ABCA4: variants seen among roughly 807,000 people sequenced by gnomAD.
ABCA4 encodes ATP binding cassette subfamily A member 4, also known as retinal-specific phospholipid-transporting ATPase ABCA4.
A neutral mutation model predicts 263.7 loss-of-function variants in ABCA4; 196 were observed. That is an observed-to-expected ratio of 0.74 (90% confidence interval 0.66 to 0.84). The LOEUF (loss-of-function observed/expected upper bound fraction) is 0.84. Among genes scored for constraint, ABCA4 ranks in the 40% least tolerant of loss-of-function variants. The pLI is 0.00. For synonymous variants in ABCA4, 1,133 were observed against 1,094.2 expected, an observed-to-expected ratio of 1.04 and a Z score of -0.70; for missense variants, 2,792 against 2,855.1, an observed-to-expected ratio of 0.98 and a Z score of 0.50.
At chr1:94,009,726 C>T (rs1347164437) in intron 40 of ABCA4, among the ~76,000 whole-genome samples, 1 of 152,202 alleles carries the variant, frequency 6.6e-6, no homozygotes, top group Admixed American at 6.5e-5. Flanking sequence ...TCTTTAGGCC[C>T]TAAAGCAGGC....
chr1:94,086,215 T>C (rs1661820903), intron 6 of ABCA4, among the ~76,000 whole-genome samples: 1 of 152,198 alleles, frequency 6.6e-6, no homozygotes, highest in Non-Finnish European at 1.5e-5. Flanking sequence ...CTCCATGAAA[T>C]GGTATGTTCA....
At chr1:94,068,871 A>G (rs775217659) in intron 11 of ABCA4, among the ~76,000 whole-genome samples, 1 of 152,254 alleles carries the variant, frequency 6.6e-6, no homozygotes, top group East Asian at 1.9e-4. Context: ...GGCAAATGTT[A>G]TAGCCGGAGC....
Position 94,019,394 on chromosome 1 carries a change from G to A in ABCA4, c.5196+188C>T, listed in dbSNP as rs539097786. 3 of 657,310 alleles carry A rather than the reference G, an allele frequency of 4.6e-6. No homozygotes were observed. The East Asian group carries it at 8.5e-5, about 19-fold the overall frequency. The allele number at this position is 657,310 out of a possible 1,614,324, so 40.7% of individuals were successfully genotyped here. On this transcript the variant is annotated intron_variant, in intron 36 of 49. Transcript: ENST00000370225. ...ACCCCACAGCCTTTCCTAGCTTCGG[G>A]CTCCTAGTTCTGTGCCTTTCTGAGA...
At chr1:94,093,704 A>G (rs1441679445) in intron 6 of ABCA4, among the ~76,000 whole-genome samples, 1 of 152,218 alleles carries the variant, frequency 6.6e-6, no homozygotes, top group African/African-American at 2.4e-5. Flanking sequence ...GCCTGCCTGG[A>G]GCTGAAAAGA....
intron 11 of ABCA4, among the ~76,000 whole-genome samples, chr1:94,069,956 T>G (rs1661362502): frequency 6.6e-6 from 1 of 152,174 alleles, no homozygotes; most frequent in African/African-American, 2.4e-5. Flanking sequence ...AAGATCAAGT[T>G]GGAGGACAAA....
chr1:94,056,614 A>C lies in ABCA4; in HGVS notation c.2369T>G (p.Leu790Arg), dbSNP rs547925462. ...FAWQDRMTAE[L>R]KKAVSLLSPV... ...CAAGGGCCTCACCACAGCCTTCTTCAGCTCAGCGGTCATGCGGTCCTGCCA... is the reference window on the plus strand; with the variant it reads ...CAAGGGCCTCACCACAGCCTTCTTCCGCTCAGCGGTCATGCGGTCCTGCCA... The change falls in exon 15 of 50, where the codon CTG (leucine) becomes CGG (arginine). Residue 790 changes from leucine to arginine, a missense_variant. Physicochemically the swap from Leu to Arg is moderately radical, Grantham distance 102. Transcript: ENST00000370225. The C allele has an allele frequency of 3.1e-6, 5 of 1,613,040 alleles. 1 individual carries two copies. In the African/African-American group the frequency reaches 6.7e-5, roughly 21 times the overall value.
chr1:94,031,668 G>A, intron 27 of ABCA4, 110 bp downstream of exon 27: 1 of 1,404,936 alleles, frequency 7.1e-7, no homozygotes, highest in Non-Finnish European at 9.9e-7. Flanking sequence ...AATCTAAAGA[G>A]GGTGCTCCTT....
intron 36 of ABCA4, 73 bp from the exon 37 acceptor site, chr1:94,015,927 G>T (rs1557766203): frequency 6.2e-6 from 8 of 1,297,042 alleles, no homozygotes; most frequent in Non-Finnish European, 8.8e-6. Flanking sequence ...ATGAGGGGTG[G>T]GGCCAGGCTC....
chr1:94,020,099 A>G (rs1263506757), intron 35 of ABCA4, among the ~76,000 whole-genome samples: 1 of 152,202 alleles, frequency 6.6e-6, no homozygotes, highest in Non-Finnish European at 1.5e-5. Context: ...TAATCTGTCT[A>G]TAGAGTCTCT....
intron 3 of ABCA4, among the ~76,000 whole-genome samples, chr1:94,109,133 C>A (rs947342261): frequency 6.6e-6 from 1 of 152,178 alleles, no homozygotes; most frequent in African/African-American, 2.4e-5. Flanking sequence ...AGTATCCTTA[C>A]AATACTGCCA....
At chr1:94,088,340 C>T (rs1487168217) in intron 6 of ABCA4, among the ~76,000 whole-genome samples, 1 of 152,216 alleles carries the variant, frequency 6.6e-6, no homozygotes, top group South Asian at 2.1e-4. Flanking sequence ...TGCTGAGGTT[C>T]CCAAGGGCCT....
chr1:94,026,143 T>C (rs1287077123), intron 30 of ABCA4, among the ~76,000 whole-genome samples: 2 of 152,216 alleles, frequency 1.3e-5, no homozygotes, highest in Admixed American at 1.3e-4. Flanking sequence ...CCAGAAGTAG[T>C]TGAGGGGATT....
At chr1:94,083,846 G>A (rs190077926) in intron 6 of ABCA4, among the ~76,000 whole-genome samples, 9 of 152,318 alleles carry the variant, frequency 5.9e-5, no homozygotes, top group East Asian at 1.9e-4. Context: ...AGACACTGCA[G>A]TCTTCTCGTC....
chr1:94,021,529 A>G, intron 34 of ABCA4, 111 bp downstream of exon 34: 1 of 1,505,940 alleles, frequency 6.6e-7, no homozygotes, highest in East Asian at 2.3e-5. Context: ...ATTCCTTGCT[A>G]GATTTCAGCA....
intron 26 of ABCA4, among the ~76,000 whole-genome samples, chr1:94,034,903 A>G (rs1294655906): frequency 4.6e-5 from 7 of 152,244 alleles, no homozygotes; most frequent in African/African-American, 1.7e-4. Flanking sequence ...GTCGGCAAGC[A>G]TTAACTCACT....
chr1:94,055,215 G>C lies in ABCA4; in HGVS notation c.2483C>G (p.Pro828Arg). 6.2e-7 allele frequency: 1 copy of C among 1,614,096 alleles called. No individual in the cohort carries two copies. The highest frequency in any genetic ancestry group is 8.5e-7 in the Non-Finnish European group (1 of 1,180,012). ...GLQWSNIGNS[P>R]TEGDEFSFLL... ...GAAGCTGAATTCGTCCCCTTCCGTG[G>C]GACTGTTCCCGATGTTGCTCCACTG... Residue 828 changes from proline (P) to arginine (R), a missense_variant, in exon 16 of 50, where the codon CCC becomes CGC. By Grantham distance (103) the Pro-to-Arg change is moderately radical (BLOSUM62 -2). Transcript: ENST00000370225.
At chr1:94,031,373 G>T in intron 27 of ABCA4, among the ~76,000 whole-genome samples, 1 of 152,252 alleles carries the variant, frequency 6.6e-6, no homozygotes, top group East Asian at 1.9e-4. Context: ...ACTTCAAAGG[G>T]CATTTCAAAG....
intron 3 of ABCA4, 143 bp downstream of exon 3, chr1:94,111,295 C>G (rs1662594276): frequency 8.4e-7 from 1 of 1,187,096 alleles, no homozygotes; most frequent in African/African-American, 1.5e-5. Flanking sequence ...GAGAGGAAAC[C>G]TGCTCTGCTC....
intron 1 of ABCA4, among the ~76,000 whole-genome samples, chr1:94,114,913 C>A (rs1296553920): frequency 6.6e-6 from 1 of 152,222 alleles, no homozygotes; most frequent in Non-Finnish European, 1.5e-5. Context: ...TACTGTGATT[C>A]CAGCACCCCA....
Sources: gnomAD v4.1 joint callset for allele counts (sites outside exome capture counted in the v4.1 genomes callset) on GRCh38, gnomAD v4.1.1 for gene constraint, MANE v1.5 for transcripts, NCBI Gene and HGNC (gene_info 2026-07-23, HGNC 2026-07-21) for gene names.